The following ADIPOQ variants were observed in gnomAD, a reference collection of about 807,000 sequenced individuals.
ADIPOQ encodes adiponectin, C1Q and collagen domain containing.
ADIPOQ carries 19 observed loss-of-function variants against 16.1 expected under a neutral mutation model. The observed-to-expected ratio is 1.18, with a 90% CI of 0.82 to 1.73. The LOEUF is 1.73. Ranked by LOEUF, ADIPOQ falls within the 40% of genes most tolerant of loss-of-function variation. The pLI is 0.00. For missense variants in ADIPOQ, 323 were observed against 308.3 expected (o/e 1.05, Z -0.36); for synonymous variants, 124 against 125.5 (o/e 0.99, Z 0.08).
Position 186,853,085 on chromosome 3 carries a change from G to C in ADIPOQ, c.27G>C (p.Leu9=), listed in dbSNP as rs202117803. 3 of 1,614,160 alleles carry C rather than the reference G, an allele frequency of 1.9e-6. No individual in the cohort carries two copies. In the Admixed American group the frequency reaches 5.0e-5, roughly 27 times the overall value. ...TGCTGTTGCTGGGAGCTGTTCTACT[G>C]CTATTAGCTCTGCCCGGTCATGACC... MLLLGAVL[L]LLALPGHDQE... The change falls in exon 2 of 3, where the codon CTG becomes CTC. Residue 9 remains leucine (L), a synonymous_variant. Coordinates refer to ENST00000320741, the MANE Select transcript of ADIPOQ (RefSeq NM_004797.4).
chr3:186,854,595 A>T lies in ADIPOQ; in HGVS notation c.626A>T (p.Asp209Val), dbSNP rs199733477. The change falls in exon 3 of 3, where the codon GAC becomes GTC. Residue 209 changes from aspartate to valine, a missense_variant. By Grantham distance (152) the Asp-to-Val change is radical. Coordinates refer to ENST00000320741, the MANE Select transcript of ADIPOQ (RefSeq NM_004797.4). ...GSVLLHLEVG[D>V]QVWLQVYGEG... ...GTGCTCCTGCATCTGGAGGTGGGCG[A>T]CCAAGTCTGGCTCCAGGTGTATGGG... is the stretch of plus-strand genomic sequence containing the variant. 1 of 1,614,022 alleles carries T rather than the reference A, an allele frequency of 6.2e-7. No homozygotes were observed. Among genetic ancestry groups the T allele is most frequent in the Admixed American group, 1.7e-5 (1 of 60,020 alleles).
intron 1 of ADIPOQ, among the ~76,000 whole-genome samples, chr3:186,850,771 A>G (rs1711724829): frequency 6.6e-6 from 1 of 152,132 alleles, no homozygotes; most frequent in African/African-American, 2.4e-5. Flanking sequence ...GACAAAATAA[A>G]GGAATAAAGT....
chr3:186,843,799 G>T (rs1337685476), intron 1 of ADIPOQ, among the ~76,000 whole-genome samples: 1 of 152,152 alleles, frequency 6.6e-6, no homozygotes, highest in Non-Finnish European at 1.5e-5. Flanking sequence ...GATCTACCTG[G>T]TTTTTCTGAA....
chr3:186,848,187 A>AAAG (rs10662925), intron 1 of ADIPOQ, among the ~76,000 whole-genome samples: 97,193 of 131,702 alleles, frequency 0.74, 37,047 homozygotes, highest in East Asian at 0.89. Context: ...ACAAAAAAAA[A>AAAG]AGAGAGAGAG....
intron 1 of ADIPOQ, 97 bp from the exon 2 acceptor site, chr3:186,852,954 G>A (rs1711831712): frequency 3.1e-6 from 4 of 1,286,770 alleles, no homozygotes; most frequent in African/African-American, 2.9e-5. Flanking sequence ...CCTAGAAGTA[G>A]ACTCTGCTGA....
At position 186,854,354 on chromosome 3, in the gene ADIPOQ, C is replaced by T; in HGVS notation, c.385C>T (p.Pro129Ser). Residue 129 changes from proline (P) to serine (S), a missense_variant, in exon 3 of 3, where the codon CCC (proline) becomes TCC (serine). By Grantham distance (74) the Pro-to-Ser change is moderately conservative (BLOSUM62 -1). Transcript: ENST00000320741. ...GACTTACGTTACTATCCCCAACATG[C>T]CCATTCGCTTTACCAAGATCTTCTA... ...LETYVTIPNMPIRFTKIFYNQ... is the reference protein window; with the variant it reads ...LETYVTIPNMSIRFTKIFYNQ... 1 of 1,614,186 alleles carries T rather than the reference C, an allele frequency of 6.2e-7. No homozygotes were observed. The highest frequency in any genetic ancestry group is 8.5e-7 in the Non-Finnish European group (1 of 1,180,028).
At chr3:186,843,673 A>AAG (rs1553804541) in intron 1 of ADIPOQ, among the ~76,000 whole-genome samples, 5 of 151,614 alleles carry the variant, frequency 3.3e-5, no homozygotes, top group Admixed American at 6.6e-5. Context: ...AAAAAAAAAA[A>AAG]AAAGAAAGAA....
At position 186,857,792 on chromosome 3, in the gene ADIPOQ, A is replaced by G. The variant is rs938739741; in HGVS notation, c.*3088A>G. ...GTTTAGTATTATGTCTTATTGGTGC[A>G]TTTACTCTCTTATCATTATGTAATG... On this transcript the variant is annotated 3_prime_UTR_variant, in exon 3 of 3. Transcript: ENST00000320741. The G allele has an allele frequency of 1.3e-5, 2 of 152,068 alleles. No individual in the cohort carries two copies. Among genetic ancestry groups the G allele is most frequent in the African/African-American group, 4.8e-5 (2 of 41,394 alleles). 9.4% of individuals were successfully genotyped at this position (152,068 alleles called of 1,614,324 possible).
chr3:186,845,156 G>T (rs73886102), intron 1 of ADIPOQ, among the ~76,000 whole-genome samples: 61 of 151,880 alleles, frequency 4.0e-4, no homozygotes, highest in African/African-American at 1.3e-3. Flanking sequence ...TGGTGTGTGG[G>T]TGTGCGCGTG....
chr3:186,844,511 CAAAAA>C (rs33955672), intron 1 of ADIPOQ, among the ~76,000 whole-genome samples: 6 of 122,460 alleles, frequency 4.9e-5, no homozygotes, highest in Admixed American at 8.6e-5. Context: ...AACTCCATCT[CAAAAA>C]AAAAAAAAAA....
At chr3:186,846,816 C>T (rs73067512) in intron 1 of ADIPOQ, among the ~76,000 whole-genome samples, 2 of 152,198 alleles carry the variant, frequency 1.3e-5, no homozygotes, top group East Asian at 1.9e-4. Context: ...CATGCCTGTG[C>T]GAGGTTTGCC....
chr3:186,850,210 T>C (rs1579206494), intron 1 of ADIPOQ, among the ~76,000 whole-genome samples: 2 of 142,366 alleles, frequency 1.4e-5, no homozygotes, highest in South Asian at 2.1e-4. Flanking sequence ...GTGGAGGCTG[T>C]AGTGAGCCGA....
rs1484980847 is a variant in ADIPOQ, at chr3:186,854,526, A to G, written c.557A>G (p.Tyr186Cys). The change falls in exon 3 of 3, where the codon TAT becomes TGT. Residue 186 changes from tyrosine to cysteine, a missense_variant. Coordinates refer to ENST00000320741, the MANE Select transcript of ADIPOQ (RefSeq NM_004797.4). ...FKKDKAMLFT[Y>C]DQYQENNVDQ... Reference sequence around the variant, plus strand: ...AAGGACAAGGCTATGCTCTTCACCTATGATCAGTACCAGGAAAATAATGTG... The same window carrying G: ...AAGGACAAGGCTATGCTCTTCACCTGTGATCAGTACCAGGAAAATAATGTG... 4 of 1,614,254 alleles carry G rather than the reference A, an allele frequency of 2.5e-6. No individual in the cohort carries two copies. Among genetic ancestry groups the G allele is most frequent in the Middle Eastern group, 1.6e-4 (1 of 6,062 alleles).
rs200011674 is a variant in ADIPOQ at position 186,854,269 on chromosome 3, G to A, written c.300G>A (p.Arg100=). 5.0e-6 allele frequency: 8 copies of A among 1,613,992 alleles called. No homozygotes were observed. Among genetic ancestry groups the A allele is most frequent in the Non-Finnish European group, 6.8e-6 (8 of 1,179,828 alleles). Residue 100 remains arginine (R), a synonymous_variant, in exon 3 of 3, where the codon AGG becomes AGA. Transcript: ENST00000320741. The part of the protein sequence containing the change: ...GPRGFPGIQG[R]KGEPGEGAYV... ...GAGGCTTTCCGGGAATCCAAGGCAG[G>A]AAAGGAGAACCTGGAGAAGGTGCCT...
At chr3:186,853,879 G>A (rs1388398008) in intron 2 of ADIPOQ, 2 of 316,378 alleles carry the variant, frequency 6.3e-6, no homozygotes, top group African/African-American at 4.3e-5. Flanking sequence ...CATCCTAGAT[G>A]GAGGGGGTAG....
chr3:186,854,769 C>T lies in ADIPOQ; in HGVS notation c.*65C>T, dbSNP rs4068. ...CAAAGTCAATTAAAGGCTTTCAGTA[C>T]GGTTAGGAAGTTGATTATTATTTAG... On this transcript the variant is annotated 3_prime_UTR_variant, in exon 3 of 3. Coordinates refer to ENST00000320741, the MANE Select transcript of ADIPOQ (RefSeq NM_004797.4). 8,630 of 1,576,928 alleles carry T rather than the reference C, an allele frequency of 5.5e-3. 31 individuals are homozygous for T. The highest frequency in any genetic ancestry group is 6.2e-3 in the Non-Finnish European group (7,143 of 1,149,726).
At chr3:186,843,757 T>TA (rs200526180) in intron 1 of ADIPOQ, among the ~76,000 whole-genome samples, 19 of 150,704 alleles carry the variant, frequency 1.3e-4, no homozygotes, top group South Asian at 4.2e-4. Flanking sequence ...AAATTGTAAT[T>TA]AAAAAAAAAC....
In ADIPOQ at chr3:186,847,189, G is replaced by T. The variant is rs56904990; in HGVS notation, c.-9+4440G>T. ...CTTCCAACAAACAGAACACTGAAAC[G>T]CATTACAGGTCAGAACAAATGATTT... On this transcript the variant is annotated intron_variant, in intron 1 of 2. Coordinates refer to ENST00000320741, the MANE Select transcript of ADIPOQ (RefSeq NM_004797.4). Among the ~76,000 whole-genome samples, 32 of 152,296 alleles carry T rather than the reference G, an allele frequency of 2.1e-4. 1 individual carries two copies. The East Asian group carries it at 5.2e-3, about 25-fold the overall frequency.
At chr3:186,844,243 G>A (rs575292120) in intron 1 of ADIPOQ, among the ~76,000 whole-genome samples, 6 of 152,144 alleles carry the variant, frequency 3.9e-5, no homozygotes, top group African/African-American at 9.6e-5. Flanking sequence ...CGCCTCCCAG[G>A]TTCAAGCGAT....
Sources: allele counts gnomAD v4.1 joint callset (sites outside exome capture counted in the v4.1 genomes callset), GRCh38; gene constraint gnomAD v4.1.1; transcripts MANE v1.5; gene names NCBI Gene and HGNC (gene_info 2026-07-23, HGNC 2026-07-21).